CNTNAP5: variants seen among roughly 807,000 people sequenced by gnomAD.
The protein encoded by CNTNAP5 is contactin associated protein family member 5.
Under a neutral mutation model 150.2 loss-of-function variants are expected in CNTNAP5, and 72 were observed. The ratio of observed to expected loss-of-function variants is 0.48; its 90% CI spans 0.40 to 0.58. The LOEUF is 0.58. CNTNAP5 is among the 20% of genes least tolerant of loss of function. The pLI is 0.00. For synonymous variants in CNTNAP5, 672 were observed against 619.8 expected, an observed-to-expected ratio of 1.08 and a Z score of -1.25; for missense variants, 1,636 against 1,626.2, an observed-to-expected ratio of 1.01 and a Z score of -0.10.
rs1302233954 is a variant in CNTNAP5 at position 124,361,042 on chromosome 2, G to A, written c.382-56401G>A. ...CTTTTTTCTCTAAACTTCCCTTCTC[G>A]CTTCATTTCATTCGTTTCATCTTCC... On this transcript the variant is annotated intron_variant, in intron 3 of 23. Transcript: ENST00000682447. Among the ~76,000 whole-genome samples the A allele has an allele frequency of 1.7e-4, 21 of 123,852 alleles. 1 individual carries two copies. Among genetic ancestry groups the A allele is most frequent in the South Asian group, 5.2e-4 (2 of 3,810 alleles). 81.3% of individuals were successfully genotyped at this position (123,852 alleles called of 152,430 possible). A position where few individuals can be genotyped will look rare whatever the true frequency, so the allele number is the denominator to read the frequency against.
rs2104773653 is a variant in CNTNAP5 at position 124,915,981 on chromosome 2, G to T, written c.*1693G>T. Reference sequence around the variant, plus strand: ...GACCACAGCTCTATTTGCCATCCTTGACAGTTAGCAGACATTCCAACTTGT... The same window carrying T: ...GACCACAGCTCTATTTGCCATCCTTTACAGTTAGCAGACATTCCAACTTGT... On this transcript the variant is annotated 3_prime_UTR_variant, in exon 24 of 24. Transcript: ENST00000682447. Among the ~76,000 whole-genome samples the T allele has an allele frequency of 6.6e-6, 1 of 152,152 alleles. No homozygotes were observed. Among genetic ancestry groups the T allele is most frequent in the East Asian group, 1.9e-4 (1 of 5,156 alleles).
Position 124,434,468 on chromosome 2 carries a change from CCTT to C in CNTNAP5, c.530-12_530-10del, listed in dbSNP as rs756904594. 13 of 1,606,722 alleles carry C rather than the reference CCTT, an allele frequency of 8.1e-6. No homozygotes were observed. The highest frequency in any genetic ancestry group is 1.1e-5 in the Non-Finnish European group (13 of 1,173,364). The stretch of plus-strand genomic sequence containing the variant: ...TATGCACTAATTTTTCTTTCCCGCT[CCTT>C]CTTTGTTCCCAGAATCAGATGTTGC... On this transcript the variant is annotated splice_polypyrimidine_tract_variant and intron_variant, in intron 4 of 23. Coordinates refer to ENST00000682447, the MANE Select transcript of CNTNAP5 (RefSeq NM_001367498.1).
In CNTNAP5 at chr2:124,226,354, G is replaced by A. The variant is rs150323599; in HGVS notation, c.187+4545G>A. On this transcript the variant is annotated intron_variant, in intron 2 of 23. Coordinates refer to ENST00000682447, the MANE Select transcript of CNTNAP5 (RefSeq NM_001367498.1). ...TTGATTTCTATTTTCCTGATGATTA[G>A]CAGTGTTGAGCATCTTTCTGTGTGC... 6.4e-3 allele frequency among the ~76,000 whole-genome samples: 975 copies of A among 152,158 alleles called. 12 individuals carry two copies. Among genetic ancestry groups the A allele is most frequent in the African/African-American group, 0.021 (892 of 41,506 alleles).
chr2:124,841,481 C>T (rs1225662788), intron 19 of CNTNAP5, among the ~76,000 whole-genome samples: 2 of 151,760 alleles, frequency 1.3e-5, no homozygotes, highest in African/African-American at 4.8e-5. Context: ...GTCTTCAAGA[C>T]CCTTCAAGAC....
At chr2:124,294,306 TAAG>T (rs1435728778) in intron 3 of CNTNAP5, among the ~76,000 whole-genome samples, 3 of 151,770 alleles carry the variant, frequency 2.0e-5, no homozygotes, top group African/African-American at 7.3e-5. Context: ...TGAAAAAAAA[TAAG>T]GTAATATTTT....
At chr2:124,628,506 A>G (rs763607492) in intron 12 of CNTNAP5, among the ~76,000 whole-genome samples, 15 of 152,172 alleles carry the variant, frequency 9.9e-5, no homozygotes, top group Non-Finnish European at 1.5e-4. Flanking sequence ...TTTTTCAGAC[A>G]CGCAAATGCT....
intron 17 of CNTNAP5, among the ~76,000 whole-genome samples, chr2:124,773,810 TTG>T (rs1681257901): frequency 6.6e-6 from 1 of 151,092 alleles, no homozygotes; most frequent in Non-Finnish European, 1.5e-5. Context: ...GCATGGGGTT[TTG>T]GAAGTCTCTC....
At chr2:124,188,592 G>A (rs548319847) in intron 1 of CNTNAP5, among the ~76,000 whole-genome samples, 5 of 151,724 alleles carry the variant, frequency 3.3e-5, no homozygotes, top group South Asian at 4.2e-4. Flanking sequence ...GGTGGCGGGC[G>A]CCTGTAGTCC....
intron 1 of CNTNAP5, among the ~76,000 whole-genome samples, chr2:124,169,923 A>T (rs1340839168): frequency 1.3e-5 from 2 of 152,226 alleles, no homozygotes; most frequent in African/African-American, 4.8e-5. Context: ...GCCTTCCACC[A>T]CCCCACATAG....
intron 13 of CNTNAP5, among the ~76,000 whole-genome samples, chr2:124,669,611 A>G (rs1048177485): frequency 6.6e-6 from 1 of 152,206 alleles, no homozygotes; most frequent in African/African-American, 2.4e-5. Context: ...CAAGATGCAT[A>G]TATCCACCTG....
chr2:124,783,346 T>C (rs888785695), intron 17 of CNTNAP5, among the ~76,000 whole-genome samples: 1 of 152,206 alleles, frequency 6.6e-6, no homozygotes, highest in Non-Finnish European at 1.5e-5. Flanking sequence ...TAGTTCCCCA[T>C]ATAGAATTAC....
rs761404749 is a variant in CNTNAP5, at chr2:124,532,855, G to A, written c.1649+5399G>A. On this transcript the variant is annotated intron_variant, in intron 10 of 23. Coordinates refer to ENST00000682447, the MANE Select transcript of CNTNAP5 (RefSeq NM_001367498.1). ...AGGTGTTCAATTGCATGACTGGAAT[G>A]CGGTAGATGCTCAGTAAATGTTCAC... Among the ~76,000 whole-genome samples the A allele has an allele frequency of 2.0e-5, 3 of 152,180 alleles. 1 individual carries two copies. The highest frequency in any genetic ancestry group is 6.5e-5 in the Admixed American group (1 of 15,268).
At chr2:124,693,006 G>A (rs777336187) in intron 13 of CNTNAP5, among the ~76,000 whole-genome samples, 18 of 151,984 alleles carry the variant, frequency 1.2e-4, no homozygotes, top group Non-Finnish European at 2.4e-4. Flanking sequence ...TGTGACATAT[G>A]AATCTTTTCT....
intron 7 of CNTNAP5, among the ~76,000 whole-genome samples, chr2:124,496,245 G>A (rs1238827687): frequency 6.6e-6 from 1 of 152,210 alleles, no homozygotes; most frequent in Admixed American, 6.5e-5. Context: ...GAATAGGAAG[G>A]TAGCTTGAGC....
intron 3 of CNTNAP5, among the ~76,000 whole-genome samples, chr2:124,339,131 A>G (rs1430260475): frequency 6.6e-6 from 1 of 152,126 alleles, no homozygotes; most frequent in Non-Finnish European, 1.5e-5. Context: ...TAAATTTTAT[A>G]CCCACCTTTA....
intron 11 of CNTNAP5, among the ~76,000 whole-genome samples, chr2:124,580,682 G>A (rs1054319199): frequency 6.6e-6 from 1 of 152,194 alleles, no homozygotes; most frequent in Non-Finnish European, 1.5e-5. Flanking sequence ...GAAGGGTGCA[G>A]TCTCCGTCTC....
At chr2:124,347,192 T>C (rs968547370) in intron 3 of CNTNAP5, among the ~76,000 whole-genome samples, 4 of 152,230 alleles carry the variant, frequency 2.6e-5, no homozygotes, top group African/African-American at 9.6e-5. Flanking sequence ...AGGAAACTAA[T>C]AGAGACACCA....
intron 13 of CNTNAP5, among the ~76,000 whole-genome samples, chr2:124,692,359 A>G (rs1679315887): frequency 6.6e-6 from 1 of 152,186 alleles, no homozygotes; most frequent in Non-Finnish European, 1.5e-5. Flanking sequence ...CTACTTTTGC[A>G]CTACTGAGGG....
intron 2 of CNTNAP5, among the ~76,000 whole-genome samples, chr2:124,226,382 G>A (rs1158957735): frequency 1.3e-5 from 2 of 152,038 alleles, no homozygotes; most frequent in East Asian, 3.9e-4. Context: ...CTGTGTGCCT[G>A]TTGGCCATTT....
Sources: allele counts gnomAD v4.1 joint callset (sites outside exome capture counted in the v4.1 genomes callset), GRCh38; gene constraint gnomAD v4.1.1; transcripts MANE v1.5; gene names NCBI Gene and HGNC (gene_info 2026-07-23, HGNC 2026-07-21).